Variants in GPC5 observed in about 807,000 individuals in gnomAD.
The protein encoded by GPC5 is glypican-5.
In GPC5, 47 loss-of-function variants were observed where a neutral mutation model predicts 53.9. The observed-to-expected ratio is 0.87, with a 90% CI of 0.69 to 1.11. The LOEUF is 1.11. GPC5 is among the 50% of genes most tolerant of loss of function. GPC5 has a pLI of 0.00. For missense variants in GPC5, 748 were observed against 713.1 expected, an observed-to-expected ratio of 1.05 and a Z score of -0.56; for synonymous variants, 286 against 263.3, an observed-to-expected ratio of 1.09 and a Z score of -0.84.
intron 7 of GPC5, among the ~76,000 whole-genome samples, chr13:92,746,263 T>C (rs1016930384): frequency 6.6e-6 from 1 of 152,124 alleles, no homozygotes; most frequent in African/African-American, 2.4e-5. Context: ...TTTTAATTAT[T>C]AAATCATTTC....
intron 6 of GPC5, among the ~76,000 whole-genome samples, chr13:91,988,401 C>G (rs1276791748): frequency 6.6e-6 from 1 of 152,154 alleles, no homozygotes; most frequent in Non-Finnish European, 1.5e-5. Context: ...AGCTTCGCAG[C>G]ATGAAATCTT....
chr13:92,468,130 T>G (rs1458810412), intron 7 of GPC5, among the ~76,000 whole-genome samples: 2 of 152,006 alleles, frequency 1.3e-5, no homozygotes, highest in Non-Finnish European at 2.9e-5. Context: ...TAGGCGAAAA[T>G]AGTACAAAAC....
At position 92,138,914 on chromosome 13, in the gene GPC5, G is replaced by A. The variant is rs569627663; in HGVS notation, c.1402-5916G>A. ...AAGCTACAGTTCTGTCCCTGCTGCA[G>A]GGGAAAAAAAAAATAACAGACTTTT... On this transcript the variant is annotated intron_variant, in intron 6 of 7. Coordinates refer to ENST00000377067, the MANE Select transcript of GPC5 (RefSeq NM_004466.6). Among the ~76,000 whole-genome samples the A allele has an allele frequency of 4.0e-5, 6 of 151,128 alleles. No homozygotes were observed. The East Asian group carries it at 1.2e-3, about 29-fold the overall frequency.
intron 4 of GPC5, among the ~76,000 whole-genome samples, chr13:91,733,892 C>T (rs2036757425): frequency 6.6e-6 from 1 of 152,258 alleles, no homozygotes; most frequent in South Asian, 2.1e-4. Flanking sequence ...GAAGGGGCAT[C>T]CTTGTTTTAT....
At chr13:91,884,198 A>G (rs1240122201) in intron 5 of GPC5, among the ~76,000 whole-genome samples, 1 of 152,194 alleles carries the variant, frequency 6.6e-6, no homozygotes. Flanking sequence ...GTGGTTCATC[A>G]AAGACCTAAA....
chr13:92,773,844 T>C (rs989927826), intron 7 of GPC5, among the ~76,000 whole-genome samples: 5 of 152,160 alleles, frequency 3.3e-5, no homozygotes, highest in Admixed American at 3.3e-4. Flanking sequence ...GACTGGGTAA[T>C]TTAGAAAGAA....
intron 7 of GPC5, among the ~76,000 whole-genome samples, chr13:92,423,534 ATTG>A (rs981646566): frequency 6.6e-6 from 1 of 152,184 alleles, no homozygotes; most frequent in Non-Finnish European, 1.5e-5. Context: ...ACTAACTGTT[ATTG>A]TTGTTTGGAG....
intron 7 of GPC5, among the ~76,000 whole-genome samples, chr13:92,426,948 C>A (rs555069077): frequency 5.9e-5 from 9 of 152,042 alleles, no homozygotes; most frequent in Non-Finnish European, 1.3e-4. Flanking sequence ...ATTGAGCCAT[C>A]AGTTTCTATA....
chr13:92,371,313 T>C (rs1293101290), intron 7 of GPC5, among the ~76,000 whole-genome samples: 1 of 152,244 alleles, frequency 6.6e-6, no homozygotes, highest in African/African-American at 2.4e-5. Flanking sequence ...CCTCTGCTGT[T>C]ATTTCTGTGT....
chr13:92,818,009 A>ATTTTTTTTTTTTTTTTTTTTTTT, intron 7 of GPC5, among the ~76,000 whole-genome samples: 1 of 135,468 alleles, frequency 7.4e-6, no homozygotes, highest in Non-Finnish European at 1.6e-5. Context: ...CCTAAATTGC[A>ATTTTTTTTTTTTTTTTTTTTTTT]TTTTTTTTTT....
intron 7 of GPC5, among the ~76,000 whole-genome samples, chr13:92,531,187 G>A (rs1881552159): frequency 6.6e-6 from 1 of 152,016 alleles, no homozygotes; most frequent in Non-Finnish European, 1.5e-5. Context: ...CAGTTGATAA[G>A]TTAATGTGAG....
intron 7 of GPC5, among the ~76,000 whole-genome samples, chr13:92,680,831 A>G (rs574988946): frequency 3.0e-4 from 45 of 152,336 alleles, no homozygotes; most frequent in Admixed American, 2.0e-4. Flanking sequence ...ACACAGAGTA[A>G]CAATTATTGC....
chr13:91,603,639 C>A (rs752271344), intron 2 of GPC5, among the ~76,000 whole-genome samples: 41 of 152,142 alleles, frequency 2.7e-4, no homozygotes, highest in Non-Finnish European at 5.0e-4. Flanking sequence ...AGGCTGATTA[C>A]ACATATAATT....
intron 7 of GPC5, among the ~76,000 whole-genome samples, chr13:92,754,133 G>T (rs530793385): frequency 5.3e-4 from 80 of 152,228 alleles, no homozygotes; most frequent in African/African-American, 1.8e-3. Flanking sequence ...CGGATCTCTC[G>T]GCAGAAACCC....
intron 2 of GPC5, among the ~76,000 whole-genome samples, chr13:91,481,661 T>G (rs549669789): frequency 6.6e-6 from 1 of 152,288 alleles, no homozygotes; most frequent in East Asian, 1.9e-4. Flanking sequence ...TTGCTTCTAC[T>G]TAATTATCGA....
chr13:92,600,719 C>T (rs113410548), intron 7 of GPC5, among the ~76,000 whole-genome samples: 2 of 149,780 alleles, frequency 1.3e-5, no homozygotes, highest in Admixed American at 6.7e-5. Context: ...GTTAGCCAGG[C>T]GAGTCTCAAA....
At chr13:92,341,634 T>A (rs1194692899) in intron 7 of GPC5, among the ~76,000 whole-genome samples, 1 of 152,028 alleles carries the variant, frequency 6.6e-6, no homozygotes, top group Non-Finnish European at 1.5e-5. Context: ...AAAATTTTAT[T>A]AATTAAAGAC....
chr13:91,649,654 A>G (rs1451424199), intron 2 of GPC5, among the ~76,000 whole-genome samples: 1 of 152,218 alleles, frequency 6.6e-6, no homozygotes, highest in Admixed American at 6.5e-5. Context: ...GTTACGATGC[A>G]GAGAATGTCT....
chr13:91,839,876 A>G (rs2038764932), intron 5 of GPC5, among the ~76,000 whole-genome samples: 2 of 152,122 alleles, frequency 1.3e-5, no homozygotes, highest in African/African-American at 2.4e-5. Flanking sequence ...TTCATACACA[A>G]TTCCATGGCA....
Sources: allele counts gnomAD v4.1 joint callset (sites outside exome capture counted in the v4.1 genomes callset), GRCh38; gene constraint gnomAD v4.1.1; transcripts MANE v1.5; gene names NCBI Gene and HGNC (gene_info 2026-07-23, HGNC 2026-07-21).